Variants in SLC37A2 observed in about 807,000 individuals in gnomAD.
SLC37A2 encodes glucose-6-phosphate exchanger SLC37A2.
In SLC37A2, 59 loss-of-function variants were observed where a neutral mutation model predicts 70.7. The ratio of observed to expected loss-of-function variants is 0.83; its 90% confidence interval spans 0.68 to 1.04. SLC37A2 has a LOEUF of 1.04. Ranked by LOEUF, SLC37A2 falls within the 50% of genes least tolerant of loss-of-function variation. The pLI, the probability that SLC37A2 is intolerant of heterozygous loss-of-function variation, is 0.00. For synonymous variants in SLC37A2, 257 were observed against 262.1 expected (o/e 0.98, Z 0.19); for missense variants, 580 against 658.1 (o/e 0.88, Z 1.30).
intron 10 of SLC37A2, among the ~76,000 whole-genome samples, chr11:125,082,775 C>T (rs922594668): frequency 6.6e-6 from 1 of 152,122 alleles, no homozygotes; most frequent in Non-Finnish European, 1.5e-5. Context: ...CTGGTGGTGA[C>T]CCTGGTGGTC....
rs754767201 is a variant in SLC37A2, at chr11:125,079,152, T to G, written c.355T>G (p.Ser119Ala). 3.7e-6 allele frequency: 6 copies of G among 1,614,210 alleles called. No homozygotes were observed. Among genetic ancestry groups the G allele is most frequent in the Admixed American group, 3.3e-5 (2 of 60,036 alleles). ...GCGGCTTCCGCTCCGTTACTACCTC[T>G]CAGCTGGAATGCTGCTCAGTGGCCT... ...GERLPLRYYL[S>A]AGMLLSGLFT... The change falls in exon 5 of 18, where the codon TCA becomes GCA. Residue 119 changes from serine (S) to alanine (A), a missense_variant. Ser to Ala is a moderately conservative substitution (Grantham distance 99). Transcript: ENST00000403796.
chr11:125,076,691 A>T (rs760039229), intron 1 of SLC37A2, 66 bp from the exon 2 acceptor site: 19 of 1,480,128 alleles, frequency 1.3e-5, no homozygotes, highest in Non-Finnish European at 1.7e-5. Flanking sequence ...CGGGTCAGGG[A>T]TGCCGGCCCA....
At position 125,081,795 on chromosome 11, in the gene SLC37A2, G is replaced by A; in HGVS notation, c.774G>A (p.Gly258=). The A allele has an allele frequency of 6.2e-7, 1 of 1,613,258 alleles. No homozygotes were observed. The highest frequency in any genetic ancestry group is 1.7e-4 in the Middle Eastern group (1 of 6,044). The stretch of plus-strand genomic sequence containing the variant: ...ACCAGGACAACCCTGAGGACCCTGG[G>A]AACAGTCCCTGCTCTATCAGGGAGA... ...AENQDNPEDP[G]NSPCSIRESG... is the part of the protein sequence containing the mutation. Residue 258 remains glycine (G), a synonymous_variant, in exon 9 of 18, where the codon GGG becomes GGA. Transcript: ENST00000403796.
chr11:125,088,419 G>A lies in SLC37A2; in HGVS notation c.*285G>A, dbSNP rs1949246656. On this transcript the variant is annotated 3_prime_UTR_variant, in exon 18 of 18. Transcript: ENST00000403796. ...TTGTGTCTCCATTTTGATAAGGAAA[G>A]GATATGCTCAGACTCTTGCTTGTTC... The A allele has an allele frequency of 2.1e-6, 1 of 465,448 alleles. No homozygotes were observed. Among genetic ancestry groups the A allele is most frequent in the Non-Finnish European group, 3.8e-6 (1 of 259,846 alleles). The allele number at this position is 465,448 out of a possible 1,614,324, so 28.8% of individuals were successfully genotyped here. A position where few individuals can be genotyped will look rare whatever the true frequency, so the allele number is the denominator to read the frequency against.
At chr11:125,074,705 C>T (rs1355146399) in intron 1 of SLC37A2, among the ~76,000 whole-genome samples, 2 of 152,130 alleles carry the variant, frequency 1.3e-5, no homozygotes, top group Admixed American at 1.3e-4. Context: ...GAGGGCTCAG[C>T]ATGAGTGTGG....
intron 1 of SLC37A2, among the ~76,000 whole-genome samples, chr11:125,067,016 A>G (rs528686958): frequency 2.3e-4 from 34 of 148,032 alleles, no homozygotes; most frequent in African/African-American, 7.7e-4. Flanking sequence ...GTCTTGCTCT[A>G]TCACCCAGAT....
At chr11:125,075,730 T>C (rs115536949) in intron 1 of SLC37A2, among the ~76,000 whole-genome samples, 1,755 of 152,272 alleles carry the variant, frequency 0.012, 35 homozygotes, top group African/African-American at 0.04. Flanking sequence ...CATGCCACAT[T>C]TGGGGGAATT....
rs1299860798 is a variant in SLC37A2 at position 125,080,807 on chromosome 11, G to A, written c.694+27G>A. The A allele has an allele frequency of 7.1e-7, 1 of 1,404,286 alleles. No individual in the cohort carries two copies. Among genetic ancestry groups the A allele is most frequent in the Non-Finnish European group, 9.4e-7 (1 of 1,068,604 alleles). The allele number at this position is 1,404,286 out of a possible 1,614,324, so 87.0% of individuals were successfully genotyped here. On this transcript the variant is annotated intron_variant, in intron 7 of 17. Transcript: ENST00000403796. This position sits in a 1 kb window ranked among gnomAD's most constrained non-coding sequence, Gnocchi z 4.3. ...TGAGTGGGCCCCTCACTCCCCACAA[G>A]TGAGCCTAGAAGTTCTCGGTTTCTG...
chr11:125,076,395 C>T (rs375785538), intron 1 of SLC37A2, among the ~76,000 whole-genome samples: 22 of 152,298 alleles, frequency 1.4e-4, no homozygotes, highest in Admixed American at 3.3e-4. Flanking sequence ...CACTCAAACT[C>T]CCTGCCCCCA....
At chr11:125,077,146 A>T in intron 2 of SLC37A2, 84 bp from the exon 3 acceptor site, 1 of 1,057,586 alleles carries the variant, frequency 9.5e-7, no homozygotes, top group Non-Finnish European at 1.4e-6. Flanking sequence ...GGTAGGAGGC[A>T]GTGTCTCCAG....
intron 1 of SLC37A2, among the ~76,000 whole-genome samples, chr11:125,068,974 CT>C (rs1186895356): frequency 6.6e-6 from 1 of 152,216 alleles, no homozygotes; most frequent in Non-Finnish European, 1.5e-5. Context: ...GGGCCTTGGA[CT>C]CCTCCTCTGT....
rs1948976009 is a variant in SLC37A2 at position 125,065,968 on chromosome 11, A to G, written c.59+2542A>G. Among the ~76,000 whole-genome samples, 5 of 152,354 alleles carry G rather than the reference A, an allele frequency of 3.3e-5. No homozygotes were observed. The South Asian group carries it at 1.0e-3, about 32-fold the overall frequency. On this transcript the variant is annotated intron_variant, in intron 1 of 17. Coordinates refer to ENST00000403796, the MANE Select transcript of SLC37A2 (RefSeq NM_001145290.2). ...AAAGGTCTTCCTTATATGTCCAGAAAATAGAACACTATATCAACATCAACA... is the reference window on the plus strand; with the variant it reads ...AAAGGTCTTCCTTATATGTCCAGAAGATAGAACACTATATCAACATCAACA...
intron 1 of SLC37A2, among the ~76,000 whole-genome samples, chr11:125,068,158 C>A (rs1948999067): frequency 6.6e-6 from 1 of 152,200 alleles, no homozygotes; most frequent in South Asian, 2.1e-4. Flanking sequence ...CGGTATTCCC[C>A]AACATCTCTG....
intron 16 of SLC37A2, 103 bp from the exon 17 acceptor site, chr11:125,085,851 C>A: frequency 7.8e-7 from 1 of 1,284,672 alleles, no homozygotes; most frequent in South Asian, 1.2e-5. Context: ...CAGCGTGTCT[C>A]TCCCCCTTCT....
At position 125,078,215 on chromosome 11, in the gene SLC37A2, A is replaced by C. The variant is rs114290235; in HGVS notation, c.314+687A>C. On this transcript the variant is annotated intron_variant, in intron 4 of 17. Coordinates refer to ENST00000403796, the MANE Select transcript of SLC37A2 (RefSeq NM_001145290.2). ...AAGAAACAGCATGATCTACGGGAGG[A>C]ACCGCGGGCAGGTGTATGGAGGGAA... Among the ~76,000 whole-genome samples, 406 of 152,316 alleles carry C rather than the reference A, an allele frequency of 2.7e-3. 4 individuals carry two copies. Among genetic ancestry groups the C allele is most frequent in the African/African-American group, 9.2e-3 (384 of 41,560 alleles).
At chr11:125,085,753 T>C in intron 16 of SLC37A2, 79 bp downstream of exon 16, 1 of 1,497,986 alleles carries the variant, frequency 6.7e-7, no homozygotes, top group Non-Finnish European at 9.2e-7. Flanking sequence ...GTCCAAAGCG[T>C]TGGCCATTTG....
intron 1 of SLC37A2, among the ~76,000 whole-genome samples, chr11:125,076,293 G>A (rs904148883): frequency 4.6e-5 from 7 of 152,068 alleles, no homozygotes; most frequent in East Asian, 1.9e-4. Flanking sequence ...TGCCCTGTTC[G>A]AAGCTTCAGA....
At chr11:125,078,560 A>G (rs1352152116) in intron 4 of SLC37A2, among the ~76,000 whole-genome samples, 2 of 152,098 alleles carry the variant, frequency 1.3e-5, no homozygotes, top group South Asian at 2.1e-4. Flanking sequence ...GAAAGGTGGG[A>G]GGCTGAGGGA....
Position 125,068,278 on chromosome 11 carries a change from C to T in SLC37A2, c.59+4852C>T, listed in dbSNP as rs111453024. Among the ~76,000 whole-genome samples the T allele has an allele frequency of 7.9e-3, 1,199 of 152,220 alleles. 9 individuals are homozygous for T. Among genetic ancestry groups the T allele is most frequent in the Middle Eastern group, 0.02 (6 of 294 alleles). Reference sequence around the variant, plus strand: ...TCAGATGGGTTCTTGAGGATAAATGCGATAATATAAGGAAACATTCTTGAC... The same window carrying T: ...TCAGATGGGTTCTTGAGGATAAATGTGATAATATAAGGAAACATTCTTGAC... On this transcript the variant is annotated intron_variant, in intron 1 of 17. Transcript: ENST00000403796.
Sources: allele counts gnomAD v4.1 joint callset (sites outside exome capture counted in the v4.1 genomes callset), GRCh38; gene constraint gnomAD v4.1.1; non-coding constraint Gnocchi (gnomAD v3.1); transcripts MANE v1.5; gene names NCBI Gene and HGNC (gene_info 2026-07-23, HGNC 2026-07-21).